The following WDPCP variants were observed in gnomAD, a reference collection of about 807,000 sequenced individuals.
WDPCP encodes the protein WD repeat containing planar cell polarity effector.
Under a neutral mutation model 93.1 loss-of-function variants are expected in WDPCP, and 71 were observed. The ratio of observed to expected loss-of-function variants is 0.76; its 90% CI spans 0.63 to 0.93. The LOEUF is 0.93. WDPCP is among the 40% of genes least tolerant of loss of function. The pLI is 0.00. For synonymous variants in WDPCP, 315 were observed against 315.0 expected, an observed-to-expected ratio of 1.00 and a Z score of 0.00; for missense variants, 844 against 887.4, an observed-to-expected ratio of 0.95 and a Z score of 0.62.
intron 12 of WDPCP, among the ~76,000 whole-genome samples, chr2:63,343,177 T>C (rs1688964209): frequency 6.6e-6 from 1 of 152,166 alleles, no homozygotes; most frequent in African/African-American, 2.4e-5. Flanking sequence ...TTTTTCTTTT[T>C]TTGCATTTTT....
At chr2:63,721,482 C>T (rs549361380) in intron 2 of WDPCP, among the ~76,000 whole-genome samples, 6 of 152,282 alleles carry the variant, frequency 3.9e-5, no homozygotes, top group African/African-American at 1.4e-4. Context: ...CCTCCCTGTA[C>T]CCCTCTTACC....
rs114583947 is a variant in WDPCP at position 63,608,320 on chromosome 2, A to T, written n.488+42339T>A. 8.4e-3 allele frequency among the ~76,000 whole-genome samples: 1,278 copies of T among 152,264 alleles called. 15 individuals are homozygous for T. The highest frequency in any genetic ancestry group is 0.029 in the African/African-American group (1,194 of 41,560). On this transcript the variant is annotated intron_variant and non_coding_transcript_variant, in intron 3 of 4. Coordinates refer to the WDPCP transcript ENST00000467687. ...TTAGGAGTAACACTAGCATAGTGTTATGATGTTAGAAGTAAGTAATAAACT... is the reference window on the plus strand; with the variant it reads ...TTAGGAGTAACACTAGCATAGTGTTTTGATGTTAGAAGTAAGTAATAAACT...
chr2:63,394,010 G>A (rs571591339), intron 10 of WDPCP, among the ~76,000 whole-genome samples: 15 of 152,272 alleles, frequency 9.9e-5, no homozygotes, highest in Admixed American at 9.2e-4. Context: ...CACAGGCCCT[G>A]GCAAAGATTT....
At chr2:63,461,409 C>T (rs1021339931) in intron 6 of WDPCP, among the ~76,000 whole-genome samples, 17 of 152,124 alleles carry the variant, frequency 1.1e-4, no homozygotes, top group African/African-American at 4.1e-4. Context: ...TGCTGGCTTC[C>T]CCCTTTGCCT....
intron 3 of WDPCP, among the ~76,000 whole-genome samples, chr2:63,639,930 C>A (rs1447172339): frequency 6.6e-6 from 1 of 152,212 alleles, no homozygotes; most frequent in Admixed American, 6.5e-5. Context: ...ATTAAACATG[C>A]AACCTCCATA....
intron 3 of WDPCP, among the ~76,000 whole-genome samples, chr2:63,608,725 A>G (rs945053854): frequency 4.6e-5 from 7 of 152,122 alleles, no homozygotes; most frequent in Non-Finnish European, 7.4e-5. Context: ...CAAGAGGATC[A>G]CCTAGGCAAA....
intron 1 of WDPCP, among the ~76,000 whole-genome samples, chr2:63,539,665 G>T (rs1704565515): frequency 6.6e-6 from 1 of 152,164 alleles, no homozygotes; most frequent in African/African-American, 2.4e-5. Context: ...CAGCCTGGGT[G>T]ACATAGCAAG....
At chr2:63,612,931 CTT>C (rs553611122) in intron 3 of WDPCP, among the ~76,000 whole-genome samples, 12 of 142,160 alleles carry the variant, frequency 8.4e-5, no homozygotes, top group Admixed American at 2.1e-4. Context: ...TTCTTTCTTT[CTT>C]TTTTTTTTTT....
chr2:63,806,144 T>G (rs1558915146), intron 2 of WDPCP, among the ~76,000 whole-genome samples: 2 of 152,068 alleles, frequency 1.3e-5, no homozygotes, highest in Non-Finnish European at 2.9e-5. Flanking sequence ...GGAAAAGAAA[T>G]GTAATCTATC....
intron 2 of WDPCP, among the ~76,000 whole-genome samples, chr2:63,731,038 A>G (rs1214186372): frequency 6.6e-6 from 1 of 152,182 alleles, no homozygotes; most frequent in Non-Finnish European, 1.5e-5. Flanking sequence ...TGGGAGGCCG[A>G]GGCGGGCGGA....
At chr2:63,495,248 G>A (rs1701155163) in intron 1 of WDPCP, among the ~76,000 whole-genome samples, 1 of 152,092 alleles carries the variant, frequency 6.6e-6, no homozygotes, top group South Asian at 2.1e-4. Flanking sequence ...GAGAAAAAGG[G>A]ATATTAAACT....
At chr2:63,591,562 T>G (rs544791290), upstream of WDPCP, among the ~76,000 whole-genome samples, 1 of 152,318 alleles carries the variant, frequency 6.6e-6, no homozygotes, top group South Asian at 2.1e-4. Flanking sequence ...TATGGGAAGT[T>G]AAACTTAATA....
At chr2:63,473,350 AGC>A (rs1424867632) in intron 6 of WDPCP, among the ~76,000 whole-genome samples, 1 of 152,198 alleles carries the variant, frequency 6.6e-6, no homozygotes, top group African/African-American at 2.4e-5. Flanking sequence ...TTTTCAGTCT[AGC>A]CACCTCATGT....
intron 14 of WDPCP, among the ~76,000 whole-genome samples, chr2:63,221,409 C>G (rs1228287477): frequency 6.6e-6 from 1 of 152,054 alleles, no homozygotes; most frequent in African/African-American, 2.4e-5. Context: ...GAATGATATA[C>G]TAATAGAACA....
intron 14 of WDPCP, among the ~76,000 whole-genome samples, chr2:63,203,093 G>C (rs1676046044): frequency 6.6e-6 from 1 of 152,072 alleles, no homozygotes; most frequent in Non-Finnish European, 1.5e-5. Context: ...AGTAAAGTTT[G>C]TATTTATTCC....
chr2:63,141,009 G>T (rs1165942610), intron 17 of WDPCP, among the ~76,000 whole-genome samples: 1 of 151,952 alleles, frequency 6.6e-6, no homozygotes, highest in Admixed American at 6.6e-5. Flanking sequence ...TTTGCTGAGA[G>T]TTTTAATCAT....
intron 13 of WDPCP, among the ~76,000 whole-genome samples, chr2:63,277,846 T>C (rs1434870798): frequency 6.6e-6 from 1 of 152,156 alleles, no homozygotes; most frequent in Non-Finnish European, 1.5e-5. Flanking sequence ...AAACAGGTCG[T>C]CAAGACAGAA....
chr2:63,474,444 T>C (rs898222955), intron 6 of WDPCP, among the ~76,000 whole-genome samples: 6 of 152,102 alleles, frequency 3.9e-5, no homozygotes, highest in Admixed American at 6.6e-5. Flanking sequence ...TATCTAACAA[T>C]AGAATTGCCC....
intron 2 of WDPCP, among the ~76,000 whole-genome samples, chr2:63,706,040 AC>A (rs1476937641): frequency 1.3e-5 from 2 of 152,042 alleles, no homozygotes; most frequent in Non-Finnish European, 2.9e-5. Flanking sequence ...TGATCCCTTT[AC>A]CATTATGTAA....
Sources: gnomAD v4.1 joint callset for allele counts (sites outside exome capture counted in the v4.1 genomes callset) on GRCh38, gnomAD v4.1.1 for gene constraint, MANE v1.5 for transcripts, NCBI Gene and HGNC (gene_info 2026-07-23, HGNC 2026-07-21) for gene names.